Variants in PALS1 observed in about 807,000 individuals in gnomAD.
The protein encoded by PALS1 is protein PALS1.
A neutral mutation model predicts 78.9 loss-of-function variants in PALS1; 31 were observed. That is an observed-to-expected ratio of 0.39 (90% CI 0.30 to 0.53). The LOEUF (loss-of-function observed/expected upper bound fraction) is 0.53, where lower values mean the gene tolerates loss of function less well. Ranked by LOEUF, PALS1 falls within the 20% of genes least tolerant of loss-of-function variation. The pLI is 0.67. For synonymous variants in PALS1, 276 were observed against 270.9 expected, an observed-to-expected ratio of 1.02 and a Z score of -0.18; for missense variants, 704 against 826.5, an observed-to-expected ratio of 0.85 and a Z score of 1.82.
chr14:67,306,115 G>GCC (rs1482723147), intron 8 of PALS1, among the ~76,000 whole-genome samples: 61 of 152,224 alleles, frequency 4.0e-4, no homozygotes, highest in Non-Finnish European at 1.5e-4. Flanking sequence ...GACTACAAGT[G>GCC]CATGCCACCA....
rs767382946 is a variant in PALS1 at position 67,285,366 on chromosome 14, A to ATTTT, written c.367+5844_367+5847dup. ...ATCCAGATGGAGATTCCTTAGGTAAATTTTTTTTTTTTTTTTTTGAGACGG... is the reference window on the plus strand; with the variant it reads ...ATCCAGATGGAGATTCCTTAGGTAAATTTTTTTTTTTTTTTTTTTTTTGAGACGG... On this transcript the variant is annotated intron_variant, in intron 3 of 14. Transcript: ENST00000261681. 6.3e-3 allele frequency among the ~76,000 whole-genome samples: 874 copies of ATTTT among 137,848 alleles called. 19 individuals are homozygous for ATTTT. The highest frequency in any genetic ancestry group is 0.021 in the African/African-American group (776 of 36,770). 90.4% of individuals were successfully genotyped at this position (137,848 alleles called of 152,430 possible).
At position 67,289,208 on chromosome 14, in the gene PALS1, T is replaced by G. The variant is rs550296841; in HGVS notation, c.368-3303T>G. Among the ~76,000 whole-genome samples the G allele has an allele frequency of 2.6e-5, 4 of 152,250 alleles. No homozygotes were observed. In the South Asian group the frequency reaches 8.3e-4, roughly 32 times the overall value. On this transcript the variant is annotated intron_variant, in intron 3 of 14. Transcript: ENST00000261681. ...GTCTCAAACTCCTGACTTCGTGTGA[T>G]CCACCTGCCTCAGCCTCCCAAAGTG...
At chr14:67,269,673 T>G (rs1370229329) in intron 1 of PALS1, 28 bp from the exon 2 acceptor site, 2 of 152,616 alleles carry the variant, frequency 1.3e-5, no homozygotes, top group Non-Finnish European at 2.9e-5. Flanking sequence ...GTACATTTGA[T>G]CAATTGTCTC....
At chr14:67,277,157 A>G (rs573745524) in intron 2 of PALS1, among the ~76,000 whole-genome samples, 2 of 152,354 alleles carry the variant, frequency 1.3e-5, no homozygotes, top group East Asian at 1.9e-4. Context: ...AATGCCTAAC[A>G]TAACTTAAGA....
At chr14:67,263,792 T>C (rs1443874869) in intron 1 of PALS1, among the ~76,000 whole-genome samples, 1 of 152,204 alleles carries the variant, frequency 6.6e-6, no homozygotes, top group Non-Finnish European at 1.5e-5. Flanking sequence ...GCAAGTAGTG[T>C]TGCTGCTTTT....
intron 8 of PALS1, among the ~76,000 whole-genome samples, chr14:67,304,536 G>C (rs1391748178): frequency 6.6e-6 from 1 of 152,194 alleles, no homozygotes; most frequent in African/African-American, 2.4e-5. Flanking sequence ...AAGGAAGCCA[G>C]TCACAAAAGG....
chr14:67,245,157 T>A (rs902796567), intron 1 of PALS1, among the ~76,000 whole-genome samples: 5 of 152,198 alleles, frequency 3.3e-5, no homozygotes, highest in Non-Finnish European at 7.3e-5. Context: ...GACTGTAAAA[T>A]AATTTCTGTT....
intron 11 of PALS1, among the ~76,000 whole-genome samples, chr14:67,318,655 A>G (rs1315955971): frequency 1.3e-5 from 2 of 152,200 alleles, no homozygotes; most frequent in African/African-American, 4.8e-5. Context: ...ATCATCATGA[A>G]TATTTTTAAA....
chr14:67,314,510 A>G lies in PALS1; in HGVS notation c.1225+1800A>G, dbSNP rs2085139352. Among the ~76,000 whole-genome samples the G allele has an allele frequency of 3.3e-5, 5 of 152,158 alleles. No individual in the cohort carries two copies. In the South Asian group the frequency reaches 1.0e-3, roughly 31 times the overall value. ...ATTTATTTTAGAGTATGATGCTAAA[A>G]CCCGTGATTCTTCAGAGTAACAGTT... On this transcript the variant is annotated intron_variant, in intron 9 of 14. Transcript: ENST00000261681.
chr14:67,313,474 A>T (rs1393961831), intron 9 of PALS1, among the ~76,000 whole-genome samples: 2 of 152,190 alleles, frequency 1.3e-5, no homozygotes, highest in African/African-American at 4.8e-5. Context: ...AAATGTTGTT[A>T]TGCAGTGCAT....
At chr14:67,295,925 G>C (rs1472842671) in intron 4 of PALS1, among the ~76,000 whole-genome samples, 1 of 152,112 alleles carries the variant, frequency 6.6e-6, no homozygotes, top group Admixed American at 6.5e-5. Flanking sequence ...ATAGCAACCA[G>C]ATAATAGAAA....
intron 9 of PALS1, among the ~76,000 whole-genome samples, chr14:67,314,703 C>T (rs1003329843): frequency 6.6e-6 from 1 of 152,158 alleles, no homozygotes; most frequent in Non-Finnish European, 1.5e-5. Flanking sequence ...ATATAGATTC[C>T]AATGATGACA....
chr14:67,325,012 C>G (rs1244442652), intron 14 of PALS1, among the ~76,000 whole-genome samples: 1 of 146,646 alleles, frequency 6.8e-6, no homozygotes, highest in East Asian at 2.1e-4. Context: ...TCACGCCATT[C>G]TCCTGCCTCA....
chr14:67,269,231 A>G (rs903900272), intron 1 of PALS1, among the ~76,000 whole-genome samples: 2 of 152,178 alleles, frequency 1.3e-5, no homozygotes, highest in Non-Finnish European at 2.9e-5. Context: ...AATGTTTCAT[A>G]TAGGATTATA....
Position 67,241,522 on chromosome 14 carries a change from CGAGGCGTGGAGGTAA to C in PALS1, c.-241_-237+10del, listed in dbSNP as rs1460150466. 2.0e-5 allele frequency: 3 copies of C among 152,428 alleles called. No individual in the cohort carries two copies. Among genetic ancestry groups the C allele is most frequent in the Middle Eastern group, 3.4e-3 (1 of 296 alleles). The allele number at this position is 152,428 out of a possible 1,614,324, so 9.4% of individuals were successfully genotyped here. A position where few individuals can be genotyped will look rare whatever the true frequency, so the allele number is the denominator to read the frequency against. ...GCCGGGGCGGGAGGCTCCGCGGAGC[CGAGGCGTGGAGGTAA>C]GAGGCGGATCGGCGGCGGCTGGGCT... On this transcript the variant is annotated splice_donor_variant and splice_donor_region_variant and 5_prime_UTR_variant and intron_variant, in exon 1 of 15. Coordinates refer to ENST00000261681, the MANE Select transcript of PALS1 (RefSeq NM_022474.4). LOFTEE classifies it low-confidence loss of function (5UTR_SPLICE).
chr14:67,269,178 C>T (rs900503976), intron 1 of PALS1, among the ~76,000 whole-genome samples: 1 of 152,144 alleles, frequency 6.6e-6, no homozygotes, highest in Non-Finnish European at 1.5e-5. Context: ...TAGGGTTAAT[C>T]TATGTTGTAG....
At chr14:67,258,999 T>G (rs972978415) in intron 1 of PALS1, among the ~76,000 whole-genome samples, 1 of 151,646 alleles carries the variant, frequency 6.6e-6, no homozygotes, top group African/African-American at 2.4e-5. Flanking sequence ...CGTGCCACCA[T>G]GCCTGGCTAA....
intron 9 of PALS1, among the ~76,000 whole-genome samples, chr14:67,313,002 TTATACTA>T (rs140887401): frequency 2.4e-4 from 36 of 152,302 alleles, no homozygotes; most frequent in African/African-American, 7.5e-4. Context: ...ACAACTTGTA[TTATACTA>T]TATACTATAT....
At chr14:67,327,979 A>C (rs1347469926) in intron 14 of PALS1, among the ~76,000 whole-genome samples, 1 of 152,200 alleles carries the variant, frequency 6.6e-6, no homozygotes, top group Admixed American at 6.5e-5. Flanking sequence ...ATGATTTATA[A>C]TCCTTTGGGT....
Sources: gnomAD v4.1 joint callset for allele counts (sites outside exome capture counted in the v4.1 genomes callset) on GRCh38, gnomAD v4.1.1 for gene constraint, MANE v1.5 for transcripts, NCBI Gene and HGNC (gene_info 2026-07-23, HGNC 2026-07-21) for gene names.